The following ECPAS variants were observed in gnomAD, a reference collection of about 807,000 sequenced individuals.
ECPAS encodes Ecm29 proteasome adaptor and scaffold, also known as proteasome adapter and scaffold protein ECM29.
A neutral mutation model predicts 255.1 loss-of-function variants in ECPAS; 70 were observed. That is an observed-to-expected ratio of 0.27 (90% CI 0.23 to 0.33). The LOEUF (loss-of-function observed/expected upper bound fraction) is 0.33. ECPAS is among the 10% of genes least tolerant of loss of function. ECPAS has a pLI of 1.00. For synonymous variants in ECPAS, 784 were observed against 775.0 expected (o/e 1.01, Z -0.19); for missense variants, 1,817 against 2,206.4 (o/e 0.82, Z 3.54).
intron 2 of ECPAS, 103 bp from the exon 3 acceptor site, chr9:111,451,658 G>T: frequency 9.0e-7 from 1 of 1,115,166 alleles, no homozygotes; most frequent in Non-Finnish European, 1.2e-6. Context: ...CAATCCTTCA[G>T]TCAGGACTTT....
At position 111,484,359 on chromosome 9, in the gene ECPAS, T is replaced by A; in HGVS notation, c.-326A>T. On this transcript the variant is annotated 5_prime_UTR_variant, in exon 1 of 50. Transcript: ENST00000684092. ...TGGGCCCGACCTGGGGAAACACGCCTGTCCAAAGGAAGAGACGTGGACTCA... is the reference window on the plus strand; with the variant it reads ...TGGGCCCGACCTGGGGAAACACGCCAGTCCAAAGGAAGAGACGTGGACTCA... 6.2e-7 allele frequency: 1 copy of A among 1,611,080 alleles called. No individual in the cohort carries two copies. Among genetic ancestry groups the A allele is most frequent in the Non-Finnish European group, 8.5e-7 (1 of 1,179,148 alleles).
chr9:111,477,825 T>C (rs573595358), intron 1 of ECPAS, among the ~76,000 whole-genome samples: 1 of 152,082 alleles, frequency 6.6e-6, no homozygotes, highest in South Asian at 2.1e-4. Flanking sequence ...GACTCAAACA[T>C]GAGGTTTGTG....
Position 111,370,415 on chromosome 9 carries a change from G to A in ECPAS, c.4974+20C>T. ...TCTTTTTAAAGTATAAACCAGAACT[G>A]AGGATACAGGTGGTATTACCTTCTT... On this transcript the variant is annotated intron_variant, in intron 45 of 49. Coordinates refer to ENST00000684092, the MANE Select transcript of ECPAS (RefSeq NM_001364929.1). 1 of 1,494,200 alleles carries A rather than the reference G, an allele frequency of 6.7e-7. No individual in the cohort carries two copies. Among genetic ancestry groups the A allele is most frequent in the South Asian group, 1.3e-5 (1 of 77,596 alleles). 92.6% of individuals were successfully genotyped at this position (1,494,200 alleles called of 1,614,324 possible). A position where few individuals can be genotyped will look rare whatever the true frequency, so the allele number is the denominator to read the frequency against.
In ECPAS at chr9:111,433,392, AG is replaced by A. The variant is rs1480924869; in HGVS notation, c.709-21del. The A allele has an allele frequency of 1.2e-6, 2 of 1,613,784 alleles. No homozygotes were observed. The highest frequency in any genetic ancestry group is 1.7e-6 in the Non-Finnish European group (2 of 1,179,784). On this transcript the variant is annotated intron_variant, in intron 7 of 49. Transcript: ENST00000684092. Reference sequence around the variant, plus strand: ...TTTGCACTGTAGATAAATGAAGGGAAGGAGAAAGAACAGTCAGGGGAGCAAA... The same window carrying A: ...TTTGCACTGTAGATAAATGAAGGGAAGAGAAAGAACAGTCAGGGGAGCAAA...
At chr9:111,425,932 G>T (rs775444557) in intron 10 of ECPAS, 104 bp from the exon 11 acceptor site, 3 of 575,386 alleles carry the variant, frequency 5.2e-6, no homozygotes, top group Non-Finnish European at 3.0e-6. Flanking sequence ...ACTACATCTC[G>T]TTCTTCAACA....
chr9:111,472,547 G>T (rs1026925458), intron 2 of ECPAS, among the ~76,000 whole-genome samples: 3 of 151,504 alleles, frequency 2.0e-5, no homozygotes, highest in African/African-American at 7.3e-5. Flanking sequence ...GCTGAGGCAG[G>T]AGGATCACTT....
At chr9:111,470,941 T>A (rs1323734127) in intron 2 of ECPAS, among the ~76,000 whole-genome samples, 1 of 152,102 alleles carries the variant, frequency 6.6e-6, no homozygotes, top group African/African-American at 2.4e-5. Flanking sequence ...AGATACTCAG[T>A]TAGAAATCGG....
At chr9:111,468,476 C>T (rs1478619732) in intron 2 of ECPAS, among the ~76,000 whole-genome samples, 1 of 152,030 alleles carries the variant, frequency 6.6e-6, no homozygotes, top group East Asian at 1.9e-4. Flanking sequence ...TCCAAACCAG[C>T]AGAGATGCAG....
chr9:111,384,345 C>T (rs1410796467), intron 34 of ECPAS, among the ~76,000 whole-genome samples, 177 bp downstream of exon 34: 1 of 152,220 alleles, frequency 6.6e-6, no homozygotes, highest in Non-Finnish European at 1.5e-5. Flanking sequence ...GTTCAACACA[C>T]TAGTACTGCA....
At chr9:111,469,846 C>T (rs1437859236) in intron 2 of ECPAS, among the ~76,000 whole-genome samples, 1 of 151,890 alleles carries the variant, frequency 6.6e-6, no homozygotes, top group Non-Finnish European at 1.5e-5. Flanking sequence ...AAAAGAATGT[C>T]TAGAAATGTG....
Position 111,396,919 on chromosome 9 carries a change from A to G in ECPAS, c.2776+111T>C, listed in dbSNP as rs558143313. ...AATGAAATTGGTAAAACAGATATAA[A>G]TATTTGAAAACAGTAATATGGAATG... On this transcript the variant is annotated intron_variant, in intron 25 of 49. Transcript: ENST00000684092. 7.3e-6 allele frequency: 10 copies of G among 1,362,734 alleles called. No individual in the cohort carries two copies. The Admixed American group carries it at 1.9e-4, about 25-fold the overall frequency. The allele number at this position is 1,362,734 out of a possible 1,614,324, so 84.4% of individuals were successfully genotyped here.
At chr9:111,416,163 C>T in intron 18 of ECPAS, 109 bp downstream of exon 18, 1 of 706,526 alleles carries the variant, frequency 1.4e-6, no homozygotes, top group Non-Finnish European at 2.4e-6. Context: ...AATGACACCA[C>T]AATATGGGTT....
In ECPAS at chr9:111,458,274, A is replaced by G. The variant is rs143495475; in HGVS notation, c.23-6719T>C. 1.7e-3 allele frequency among the ~76,000 whole-genome samples: 255 copies of G among 152,348 alleles called. 1 individual carries two copies. The highest frequency in any genetic ancestry group is 5.9e-3 in the African/African-American group (245 of 41,578). ...AATGAACTTGTCTATTAGGAACAGC[A>G]TAAGATTGCTTCATAAGAATGTTGT... On this transcript the variant is annotated intron_variant, in intron 2 of 49. Transcript: ENST00000684092.
Position 111,386,410 on chromosome 9 carries a change from A to C in ECPAS, c.3494T>G (p.Leu1165Arg), listed in dbSNP as rs753476291. Residue 1165 changes from leucine (L) to arginine (R), a missense_variant, in exon 32 of 50, where the codon CTT becomes CGT. Physicochemically the swap from Leu to Arg is moderately radical, Grantham distance 102. Coordinates refer to ENST00000684092, the MANE Select transcript of ECPAS (RefSeq NM_001364929.1). ...KEILQDLVKN[L>R]TSNMWRVRES... ...TCGAACTCGCCACATATTGCTTGTA[A>C]GGTTCTTAACCAAATCTTGAAGAAT... 1 of 1,603,966 alleles carries C rather than the reference A, an allele frequency of 6.2e-7. No homozygotes were observed. The highest frequency in any genetic ancestry group is 8.5e-7 in the Non-Finnish European group (1 of 1,171,906).
intron 5 of ECPAS, 130 bp from the exon 6 acceptor site, chr9:111,440,651 T>G: frequency 1.6e-6 from 1 of 643,198 alleles, no homozygotes; most frequent in Non-Finnish European, 2.6e-6. Context: ...TTTTCAACAC[T>G]ACTAATTTAC....
At chr9:111,365,498 C>A (rs1282499400) in intron 48 of ECPAS, 2 of 152,780 alleles carry the variant, frequency 1.3e-5, no homozygotes, top group African/African-American at 4.8e-5. Context: ...GAAGCCCTGT[C>A]TCTACAAAAA....
chr9:111,445,924 G>A (rs1360063499), intron 3 of ECPAS, among the ~76,000 whole-genome samples: 1 of 152,054 alleles, frequency 6.6e-6, no homozygotes, highest in African/African-American at 2.4e-5. Flanking sequence ...GAGAAGATGT[G>A]GTGTTTGGTT....
At position 111,484,243 on chromosome 9, in the gene ECPAS, C is replaced by G. The variant is rs1051139703; in HGVS notation, c.-210G>C. On this transcript the variant is annotated 5_prime_UTR_variant, in exon 1 of 50. Coordinates refer to ENST00000684092, the MANE Select transcript of ECPAS (RefSeq NM_001364929.1). Reference sequence around the variant, plus strand: ...CGCCGCAGTCCGTGAGGGGCTGGGCCGAGCGGGCCCGGGCTGCCCTAGCGG... The same window carrying G: ...CGCCGCAGTCCGTGAGGGGCTGGGCGGAGCGGGCCCGGGCTGCCCTAGCGG... 2.4e-5 allele frequency: 36 copies of G among 1,473,490 alleles called. No individual in the cohort carries two copies. In the African/African-American group the frequency reaches 3.2e-4, roughly 13 times the overall value. 91.3% of individuals were successfully genotyped at this position (1,473,490 alleles called of 1,614,324 possible). A position where few individuals can be genotyped will look rare whatever the true frequency, so the allele number is the denominator to read the frequency against.
At chr9:111,432,266 A>C (rs1005933812) in intron 8 of ECPAS, among the ~76,000 whole-genome samples, 1 of 152,226 alleles carries the variant, frequency 6.6e-6, no homozygotes, top group Non-Finnish European at 1.5e-5. Flanking sequence ...ACTTATTGCA[A>C]ACTGCTTTCC....
Sources: gnomAD v4.1 joint callset for allele counts (sites outside exome capture counted in the v4.1 genomes callset) on GRCh38, gnomAD v4.1.1 for gene constraint, MANE v1.5 for transcripts, NCBI Gene and HGNC (gene_info 2026-07-23, HGNC 2026-07-21) for gene names.